The following KSR1 variants were observed in gnomAD, a reference collection of about 807,000 sequenced individuals.
KSR1 encodes kinase suppressor of ras 1.
Under a neutral mutation model 92.9 loss-of-function variants are expected in KSR1, and 35 were observed. The observed-to-expected ratio is 0.38, with a 90% CI of 0.29 to 0.50. The LOEUF is 0.50. KSR1 is among the 20% of genes least tolerant of loss of function. The pLI is 0.94. For synonymous variants in KSR1, 467 were observed against 472.6 expected (o/e 0.99, Z 0.15); for missense variants, 972 against 1,158.5 (o/e 0.84, Z 2.34).
intron 1 of KSR1, among the ~76,000 whole-genome samples, chr17:27,507,134 A>G (rs896258887): frequency 6.6e-6 from 1 of 152,174 alleles, no homozygotes; most frequent in Non-Finnish European, 1.5e-5. Context: ...TGAACAAAAG[A>G]ATGTAAAAGA....
At position 27,583,046 on chromosome 17, in the gene KSR1, C is replaced by T. The variant is rs1217021266; in HGVS notation, c.921C>T (p.Thr307=). 3.7e-6 allele frequency: 6 copies of T among 1,607,162 alleles called. No homozygotes were observed. Among genetic ancestry groups the T allele is most frequent in the Non-Finnish European group, 5.1e-6 (6 of 1,177,018 alleles). ...FQLLPSFPTL[T]RSKSHESQLG... ...TGCTGCCCAGCTTCCCCACACTCAC[C>T]CGGAGCAAGTCCCATGAGTCTCAGC... Residue 307 remains threonine, a synonymous_variant, in exon 4 of 21, where the codon ACC becomes ACT. Coordinates refer to ENST00000644974, the MANE Select transcript of KSR1 (RefSeq NM_001394583.1).
intron 2 of KSR1, among the ~76,000 whole-genome samples, chr17:27,563,676 TCTC>T (rs1017901974): frequency 2.2e-4 from 33 of 152,352 alleles, no homozygotes; most frequent in African/African-American, 7.5e-4. Context: ...TTCCACGTCA[TCTC>T]CTGCCTTTCT....
chr17:27,514,391 G>C (rs1366494459), intron 1 of KSR1, among the ~76,000 whole-genome samples: 2 of 152,228 alleles, frequency 1.3e-5, no homozygotes, highest in African/African-American at 4.8e-5. Context: ...GGGGACAGTA[G>C]CTCACGCCTG....
At position 27,544,040 on chromosome 17, in the gene KSR1, G is replaced by A. The variant is rs536156330; in HGVS notation, c.232-6528G>A. On this transcript the variant is annotated intron_variant, in intron 1 of 20. Transcript: ENST00000644974. ...AAGAACACCACCCACGTCCGCTGCC[G>A]CCGCAAGAGTGTTTTCTGTGTTCCA... is the stretch of plus-strand genomic sequence containing the variant. Among the ~76,000 whole-genome samples the A allele has an allele frequency of 3.3e-5, 5 of 152,292 alleles. No homozygotes were observed. In the East Asian group the frequency reaches 7.7e-4, roughly 23 times the overall value.
chr17:27,503,184 G>A (rs57261397), intron 1 of KSR1, among the ~76,000 whole-genome samples: 1 of 152,176 alleles, frequency 6.6e-6, no homozygotes, highest in East Asian at 1.9e-4. Flanking sequence ...TATACTTCTT[G>A]TAAGTCTAAA....
In KSR1 at chr17:27,488,421, GT is replaced by G. The variant is rs947133716; in HGVS notation, c.231+31555del. On this transcript the variant is annotated intron_variant, in intron 1 of 20. Coordinates refer to ENST00000644974, the MANE Select transcript of KSR1 (RefSeq NM_001394583.1). ...TCTGGATGTACCATTATTAGTAGTAGTTTTTTTTAAGCAATTTCCTCTTGAT... is the reference window on the plus strand; with the variant it reads ...TCTGGATGTACCATTATTAGTAGTAGTTTTTTTAAGCAATTTCCTCTTGAT... 1.8e-4 allele frequency among the ~76,000 whole-genome samples: 28 copies of G among 151,724 alleles called. 1 individual carries two copies. The South Asian group carries it at 1.9e-3, about 10-fold the overall frequency.
intron 1 of KSR1, among the ~76,000 whole-genome samples, chr17:27,525,362 C>T (rs577807610): frequency 8.5e-5 from 13 of 152,338 alleles, no homozygotes; most frequent in Middle Eastern, 3.4e-3. Context: ...CACTCTTTCA[C>T]CTTGCACAAA....
rs1230549595 is a variant in KSR1 at position 27,605,691 on chromosome 17, C to T, written c.1872C>T (p.His624=). 2 of 1,612,910 alleles carry T rather than the reference C, an allele frequency of 1.2e-6. No individual in the cohort carries two copies. The highest frequency in any genetic ancestry group is 4.5e-5 in the East Asian group (2 of 44,884). The part of the protein sequence containing the change: ...VAIRLLEMDG[H]NQDHLKLFKK... ...TTCGCCTGCTGGAGATGGACGGCCA[C>T]AACCAGGACCACCTGAAGCTCTTCA... The change falls in exon 14 of 21, where the codon CAC becomes CAT. Residue 624 remains histidine, a synonymous_variant. Coordinates refer to ENST00000644974, the MANE Select transcript of KSR1 (RefSeq NM_001394583.1).
Position 27,605,748 on chromosome 17 carries a change from G to C in KSR1, c.1929G>C (p.Arg643=). The change falls in exon 14 of 21, where the codon CGG becomes CGC. Residue 643 remains arginine (R), a synonymous_variant. Transcript: ENST00000644974. ...KKEVMNYRQT[R]HENVVLFMGA... ...AGGTGATGAACTACCGGCAGACGCG[G>C]CATGAGAACGTGGTGCTCTTCATGG... 1 of 1,612,652 alleles carries C rather than the reference G, an allele frequency of 6.2e-7. No individual in the cohort carries two copies.
chr17:27,530,004 G>C (rs926243244), intron 1 of KSR1, among the ~76,000 whole-genome samples: 2 of 152,150 alleles, frequency 1.3e-5, no homozygotes, highest in African/African-American at 2.4e-5. Flanking sequence ...GTGGGTACTC[G>C]ATACTCTTGA....
rs970188240 is a variant in KSR1 at position 27,550,586 on chromosome 17, A to G, written c.250A>G (p.Ile84Val). Residue 84 changes from isoleucine to valine, a missense_variant, in exon 2 of 21, where the codon ATT (isoleucine) becomes GTT (valine). This residue lies in a region of KSR1 where 611 missense variants were observed against 668.0 expected (regional missense o/e 0.91). Coordinates refer to ENST00000644974, the MANE Select transcript of KSR1 (RefSeq NM_001394583.1). The stretch of plus-strand genomic sequence containing the variant: ...TCTGCAGGCGAAGCTGGTCCGTTAC[A>G]TTTGTAAGCAGAGGCAGTGCAAGCT... ...RTLEAKLVRY[I>V]CKQRQCKLSV... 1.2e-5 allele frequency: 9 copies of G among 764,824 alleles called. No homozygotes were observed. The highest frequency in any genetic ancestry group is 1.0e-4 in the Admixed American group (6 of 59,008). 47.4% of individuals were successfully genotyped at this position (764,824 alleles called of 1,614,324 possible). A position where few individuals can be genotyped will look rare whatever the true frequency, so the allele number is the denominator to read the frequency against.
Position 27,458,773 on chromosome 17 carries a change from G to T in KSR1, c.231+1899G>T, listed in dbSNP as rs193221757. Among the ~76,000 whole-genome samples the T allele has an allele frequency of 6.8e-3, 1,031 of 151,900 alleles. 10 individuals are homozygous for T. The highest frequency in any genetic ancestry group is 8.0e-3 in the Non-Finnish European group (545 of 67,918). On this transcript the variant is annotated intron_variant, in intron 1 of 20. Coordinates refer to ENST00000644974, the MANE Select transcript of KSR1 (RefSeq NM_001394583.1). ...GAAAAGGCAGGGCCTGGGTTGTTTT[G>T]GGGGATGGGAATTTAGACCCCTGGA...
At chr17:27,563,812 C>T (rs1232213694) in intron 2 of KSR1, among the ~76,000 whole-genome samples, 1 of 152,146 alleles carries the variant, frequency 6.6e-6, no homozygotes, top group Non-Finnish European at 1.5e-5. Flanking sequence ...ATCTCATCCT[C>T]TGACCGGGAC....
In KSR1 at chr17:27,558,711, T is replaced by G. The variant is rs544492777; in HGVS notation, c.372+8003T>G. ...CTGTCTTTCTGTTTTTTGTTTTTTT[T>G]TTTTTTCTTTGGAAGGGAACAAAAT... On this transcript the variant is annotated intron_variant, in intron 2 of 20. Coordinates refer to ENST00000644974, the MANE Select transcript of KSR1 (RefSeq NM_001394583.1). 4.3e-4 allele frequency among the ~76,000 whole-genome samples: 65 copies of G among 152,142 alleles called. No homozygotes were observed. In the South Asian group the frequency reaches 5.0e-3, roughly 12 times the overall value.
At chr17:27,556,090 G>C (rs190329241) in intron 2 of KSR1, among the ~76,000 whole-genome samples, 10 of 152,252 alleles carry the variant, frequency 6.6e-5, no homozygotes, top group Non-Finnish European at 1.2e-4. Flanking sequence ...GAACATCTTT[G>C]TGCACCTGTG....
rs559580798 is a variant in KSR1 at position 27,592,576 on chromosome 17, A to G, written c.1249A>G (p.Arg417Gly). The G allele has an allele frequency of 8.7e-6, 14 of 1,613,914 alleles. No individual in the cohort carries two copies. The highest frequency in any genetic ancestry group is 4.4e-5 in the South Asian group (4 of 91,082). The part of the protein sequence containing the change: ...VPSDINNPVD[R>G]AAEPHFGTLP... ...CTCGGACATCAACAACCCGGTGGAC[A>G]GAGCAGCCGAACCCCATTTTGGAAC... The change falls in exon 9 of 21, where the codon AGA becomes GGA. Residue 417 changes from arginine (R) to glycine (G), a missense_variant. By Grantham distance (125) the Arg-to-Gly change is moderately radical. Transcript: ENST00000644974.
chr17:27,519,673 AT>A (rs1260031327), intron 1 of KSR1, among the ~76,000 whole-genome samples: 2 of 152,294 alleles, frequency 1.3e-5, no homozygotes, highest in Non-Finnish European at 2.9e-5. Context: ...GAGCTGCCAG[AT>A]TTGTGGGGGA....
intron 3 of KSR1, among the ~76,000 whole-genome samples, chr17:27,580,030 T>C (rs1168288085): frequency 6.6e-6 from 1 of 151,580 alleles, no homozygotes; most frequent in Non-Finnish European, 1.5e-5. Flanking sequence ...GTGACTGTAG[T>C]GTCATTCTCA....
chr17:27,604,743 C>T lies in KSR1; in HGVS notation c.1614+15C>T. The T allele has an allele frequency of 6.2e-7, 1 of 1,613,424 alleles. No homozygotes were observed. Among genetic ancestry groups the T allele is most frequent in the Non-Finnish European group, 8.5e-7 (1 of 1,179,344 alleles). ...ACGAAGCGGAGGTGAGGGTGACACA[C>T]ACGTGTCCACAGATGGCCCCCCCTC... On this transcript the variant is annotated intron_variant, in intron 13 of 20. Transcript: ENST00000644974.
Sources: allele counts gnomAD v4.1 joint callset (sites outside exome capture counted in the v4.1 genomes callset), GRCh38; gene constraint gnomAD v4.1.1; regional missense constraint gnomAD v4.1.1; transcripts MANE v1.5; gene names NCBI Gene and HGNC (gene_info 2026-07-23, HGNC 2026-07-21).